Variants in THSD4 observed in about 807,000 individuals in gnomAD.
THSD4 encodes thrombospondin type-1 domain-containing protein 4.
A neutral mutation model predicts 119.0 loss-of-function variants in THSD4; 69 were observed. That is an observed-to-expected ratio of 0.58 (90% confidence interval 0.48 to 0.71). THSD4 has a LOEUF of 0.71. Ranked by LOEUF, THSD4 falls within the 30% of genes least tolerant of loss-of-function variation. THSD4 has a pLI of 0.00. For missense variants in THSD4, 1,393 were observed against 1,391.1 expected, an observed-to-expected ratio of 1.00 and a Z score of -0.02; for synonymous variants, 524 against 540.4, an observed-to-expected ratio of 0.97 and a Z score of 0.42.
At chr15:71,736,022 C>T (rs1487059326) in intron 10 of THSD4, among the ~76,000 whole-genome samples, 1 of 144,404 alleles carries the variant, frequency 6.9e-6, no homozygotes, top group Non-Finnish European at 1.5e-5. Context: ...CTGTCTGTCT[C>T]TCTTCTCTGT....
intron 15 of THSD4, among the ~76,000 whole-genome samples, chr15:71,759,220 T>G (rs1595924282): frequency 6.6e-6 from 1 of 152,244 alleles, no homozygotes; most frequent in East Asian, 1.9e-4. Context: ...GAAATGTTTT[T>G]CTATTCAAAT....
At chr15:71,550,683 G>A (rs1221511636) in intron 7 of THSD4, among the ~76,000 whole-genome samples, 3 of 152,196 alleles carry the variant, frequency 2.0e-5, no homozygotes, top group East Asian at 1.9e-4. Flanking sequence ...CTCGTGATCC[G>A]CCCACCTCAG....
intron 6 of THSD4, among the ~76,000 whole-genome samples, chr15:71,384,382 CA>C (rs924040278): frequency 5.5e-5 from 8 of 144,372 alleles, no homozygotes; most frequent in South Asian, 2.2e-4. Flanking sequence ...GACTCCGTCT[CA>C]AAAAAAAAAC....
At chr15:71,635,378 C>T (rs2050719467) in intron 7 of THSD4, among the ~76,000 whole-genome samples, 1 of 152,150 alleles carries the variant, frequency 6.6e-6, no homozygotes, top group Non-Finnish European at 1.5e-5. Flanking sequence ...CACACACACA[C>T]ACACACACAC....
At chr15:71,467,033 A>G (rs535443101) in intron 7 of THSD4, among the ~76,000 whole-genome samples, 4 of 152,198 alleles carry the variant, frequency 2.6e-5, no homozygotes, top group Non-Finnish European at 4.4e-5. Context: ...ATTCAATTCA[A>G]ATGGAAAGGC....
At chr15:71,108,573 G>A (rs927296918) in intron 1 of THSD4, among the ~76,000 whole-genome samples, 4 of 152,200 alleles carry the variant, frequency 2.6e-5, no homozygotes, top group Non-Finnish European at 4.4e-5. Context: ...GGACAATGGG[G>A]AGGGGGCTCA....
chr15:71,766,363 A>G (rs1421052825), intron 16 of THSD4, among the ~76,000 whole-genome samples: 1 of 152,098 alleles, frequency 6.6e-6, no homozygotes, highest in Non-Finnish European at 1.5e-5. Context: ...TCTGCTTCTC[A>G]TCACTGAAGA....
chr15:71,346,114 G>A (rs1032762758), intron 6 of THSD4, among the ~76,000 whole-genome samples: 16 of 90,536 alleles, frequency 1.8e-4, no homozygotes, highest in Admixed American at 9.6e-4. Flanking sequence ...GCTGTATTTA[G>A]TTGTCGCATC....
At position 71,768,273 on chromosome 15, in the gene THSD4, AAACC is replaced by A. The variant is rs2053749417; in HGVS notation, c.2770-2788_2770-2785del. Among the ~76,000 whole-genome samples the A allele has an allele frequency of 2.0e-5, 3 of 149,112 alleles. No individual in the cohort carries two copies. In the South Asian group the frequency reaches 6.4e-4, roughly 32 times the overall value. On this transcript the variant is annotated intron_variant, in intron 16 of 17. Coordinates refer to ENST00000261862, the MANE Select transcript of THSD4 (RefSeq NM_024817.3). ...CCCCCCGGAAGTAGTCTCACAAAAA[AAACC>A]AAAAAAAAACCCTGCACCTGTTAAG...
intron 7 of THSD4, among the ~76,000 whole-genome samples, chr15:71,503,721 A>G (rs1237605202): frequency 3.3e-5 from 5 of 152,094 alleles, no homozygotes; most frequent in Admixed American, 2.6e-4. Flanking sequence ...ATACCTCTCT[A>G]CAGACCTCCC....
At chr15:71,428,134 A>G (rs745859398) in intron 7 of THSD4, among the ~76,000 whole-genome samples, 1 of 152,170 alleles carries the variant, frequency 6.6e-6, no homozygotes, top group Non-Finnish European at 1.5e-5. Context: ...TTCTACCCCA[A>G]CCCACCACCA....
chr15:71,727,999 A>C (rs992049544), intron 8 of THSD4, among the ~76,000 whole-genome samples: 4 of 152,122 alleles, frequency 2.6e-5, no homozygotes, highest in Admixed American at 1.3e-4. Flanking sequence ...GATTGCTGCC[A>C]TGAGGGAGTG....
intron 2 of THSD4, among the ~76,000 whole-genome samples, chr15:71,142,427 TC>T (rs2040613783): frequency 6.6e-6 from 1 of 152,208 alleles, no homozygotes; most frequent in Admixed American, 6.5e-5. Flanking sequence ...TTTTAAAAAT[TC>T]TTCAATCAAA....
At chr15:71,632,396 G>A (rs147718923) in intron 7 of THSD4, among the ~76,000 whole-genome samples, 191 of 152,252 alleles carry the variant, frequency 1.3e-3, no homozygotes, top group African/African-American at 4.5e-3. Context: ...AGGTGTTACC[G>A]GGTCATGTAA....
At chr15:71,733,579 T>G (rs530143579) in intron 10 of THSD4, 4 of 152,118 alleles carry the variant, frequency 2.6e-5, no homozygotes, top group Non-Finnish European at 5.9e-5. Context: ...CATGTCATAT[T>G]TTAAACCATG....
At chr15:71,324,142 G>A (rs1034000038) in intron 6 of THSD4, among the ~76,000 whole-genome samples, 4 of 151,790 alleles carry the variant, frequency 2.6e-5, no homozygotes, top group Middle Eastern at 3.4e-3. Flanking sequence ...TTATATATTG[G>A]GGTCCTTTGG....
chr15:71,514,711 T>C (rs1052987405), intron 7 of THSD4, among the ~76,000 whole-genome samples: 3 of 152,344 alleles, frequency 2.0e-5, no homozygotes, highest in African/African-American at 4.8e-5. Flanking sequence ...ATGGTCTTAT[T>C]ATCCCGTGAT....
chr15:71,389,450 G>A (rs980190175), intron 6 of THSD4, among the ~76,000 whole-genome samples: 9 of 144,894 alleles, frequency 6.2e-5, no homozygotes, highest in Admixed American at 2.2e-4. Flanking sequence ...GTTGTAGCAC[G>A]TGTCAGAATT....
intron 7 of THSD4, among the ~76,000 whole-genome samples, chr15:71,482,734 C>T (rs546532807): frequency 7.9e-5 from 12 of 152,132 alleles, no homozygotes; most frequent in East Asian, 3.9e-4. Flanking sequence ...TACAGGTGGC[C>T]GCCTCCACAC....
Sources: allele counts gnomAD v4.1 joint callset (sites outside exome capture counted in the v4.1 genomes callset), GRCh38; gene constraint gnomAD v4.1.1; transcripts MANE v1.5; gene names NCBI Gene and HGNC (gene_info 2026-07-23, HGNC 2026-07-21).